The following UPB1 variants were observed in gnomAD, a reference collection of about 807,000 sequenced individuals.
UPB1 encodes beta-ureidopropionase.
A neutral mutation model predicts 49.1 loss-of-function variants in UPB1; 40 were observed. That is an observed-to-expected ratio of 0.81 (90% CI 0.63 to 1.06). The LOEUF is 1.06. UPB1 is among the 50% of genes least tolerant of loss of function. The pLI is 0.00. For synonymous variants in UPB1, 207 were observed against 198.2 expected (o/e 1.04, Z -0.38); for missense variants, 499 against 505.9 (o/e 0.99, Z 0.13).
At chr22:24,524,975 A>C (rs1389608551) in intron 9 of UPB1, among the ~76,000 whole-genome samples, 2 of 152,166 alleles carry the variant, frequency 1.3e-5, no homozygotes, top group Non-Finnish European at 2.9e-5. Flanking sequence ...GGTATTGGGC[A>C]TGAGAGAGTC....
At chr22:24,517,638 T>C (rs1178213283) in intron 6 of UPB1, among the ~76,000 whole-genome samples, 1 of 152,224 alleles carries the variant, frequency 6.6e-6, no homozygotes, top group Non-Finnish European at 1.5e-5. Flanking sequence ...CCCAGTGTAA[T>C]ATGCATATAA....
chr22:24,506,959 G>C (rs894843210), intron 3 of UPB1, among the ~76,000 whole-genome samples: 1 of 152,064 alleles, frequency 6.6e-6, no homozygotes, highest in East Asian at 1.9e-4. Context: ...GCCGCACCAG[G>C]TTCTAATTCA....
chr22:24,516,891 A>AT (rs560315892), intron 6 of UPB1: 1,600 of 152,116 alleles, frequency 0.011, 17 homozygotes, highest in Non-Finnish European at 0.014. Flanking sequence ...TACCTGGCTA[A>AT]TTTTTTGTAT....
Position 24,500,291 on chromosome 22 carries a change from T to C in UPB1, c.276+13T>C. The C allele has an allele frequency of 6.2e-7, 1 of 1,613,750 alleles. No individual in the cohort carries two copies. Among genetic ancestry groups the C allele is most frequent in the Non-Finnish European group, 8.5e-7 (1 of 1,180,010 alleles). ...TGTGGCAGAACAGGTGCAGACTCTT[T>C]TGACCATAATAAATACACAAACAGG... On this transcript the variant is annotated intron_variant, in intron 2 of 9. Coordinates refer to ENST00000326010, the MANE Select transcript of UPB1 (RefSeq NM_016327.3).
intron 7 of UPB1, among the ~76,000 whole-genome samples, chr22:24,520,792 A>AT (rs945290333): frequency 6.6e-6 from 1 of 152,166 alleles, no homozygotes; most frequent in Non-Finnish European, 1.5e-5. Context: ...CCTCATCCTT[A>AT]TTAATCAGAT....
chr22:24,515,124 G>C, intron 5 of UPB1, 77 bp from the exon 6 acceptor site: 1 of 1,577,316 alleles, frequency 6.3e-7, no homozygotes, highest in Non-Finnish European at 8.7e-7. Flanking sequence ...GACTATTGGT[G>C]ATATTTCAGT....
Position 24,528,054 on chromosome 22 carries a change from G to A in UPB1, c.*2260G>A. On this transcript the variant is annotated 3_prime_UTR_variant, in exon 10 of 10. Transcript: ENST00000326010. ...GAATCACTTGAACCCGGGAGGCGGA[G>A]GTTGCAGTGAGCCGAGATCACACCA... 6.6e-6 allele frequency: 1 copy of A among 151,976 alleles called. No individual in the cohort carries two copies. The highest frequency in any genetic ancestry group is 1.5e-5 in the Non-Finnish European group (1 of 68,028). 9.4% of individuals were successfully genotyped at this position (151,976 alleles called of 1,614,324 possible).
intron 3 of UPB1, among the ~76,000 whole-genome samples, chr22:24,504,723 CTTTTTTT>C (rs35606558): frequency 0.025 from 2,326 of 91,776 alleles, 72 homozygotes; most frequent in African/African-American, 0.094. Flanking sequence ...GTATTTCCTC[CTTTTTTT>C]TTTTTTTTTT....
rs542324398 is a variant in UPB1, at chr22:24,525,738, C to A, written c.1099C>A (p.Arg367=). 8.7e-6 allele frequency: 14 copies of A among 1,614,042 alleles called. No individual in the cohort carries two copies. The Admixed American group carries it at 1.7e-4, about 19-fold the overall frequency. The change falls in exon 10 of 10, where the codon CGG becomes AGG. Residue 367 remains arginine (R), a synonymous_variant. Transcript: ENST00000326010. ...KMTGRYEMYA[R]ELAEAVKSNY... ...GACGGGCAGGTATGAGATGTACGCA[C>A]GGGAGCTCGCCGAAGCTGTCAAGTC... is the stretch of plus-strand genomic sequence containing the variant.
intron 8 of UPB1, among the ~76,000 whole-genome samples, chr22:24,523,308 ATAGGAAGCCCC>A (rs1274080622): frequency 6.6e-6 from 1 of 152,216 alleles, no homozygotes; most frequent in African/African-American, 2.4e-5. Context: ...GAGGGCCCCC[ATAGGAAGCCCC>A]CAGAGTGTGA....
intron 2 of UPB1, 69 bp from the exon 3 acceptor site, chr22:24,502,057 T>C: frequency 6.6e-7 from 1 of 1,525,224 alleles, no homozygotes; most frequent in South Asian, 1.1e-5. Context: ...CCATATGCAT[T>C]AGGATGAGAT....
chr22:24,500,351 C>T, intron 2 of UPB1, 73 bp downstream of exon 2: 1 of 1,599,476 alleles, frequency 6.3e-7, no homozygotes, highest in Non-Finnish European at 8.5e-7. Context: ...CCTGCAGGCC[C>T]TGGCTGGCCG....
intron 7 of UPB1, among the ~76,000 whole-genome samples, chr22:24,521,492 TTAAA>T (rs1161437254): frequency 6.6e-6 from 1 of 151,946 alleles, no homozygotes; most frequent in Non-Finnish European, 1.5e-5. Context: ...AAATAAATAA[TTAAA>T]TAAATAAATA....
intron 4 of UPB1, among the ~76,000 whole-genome samples, chr22:24,511,523 A>G (rs1328000864): frequency 6.6e-6 from 1 of 150,484 alleles, no homozygotes; most frequent in Non-Finnish European, 1.5e-5. Flanking sequence ...CAAAAGAGTG[A>G]CTCCTTGTTC....
rs201206994 is a variant in UPB1 at position 24,511,612 on chromosome 22, A to ATTTT, written c.459+770_459+771insTTTT. ...TGCTCTGTGAATTATATATATATATATATATATTTTTTTTTTTTTGAGATG... is the reference window on the plus strand; with the variant it reads ...TGCTCTGTGAATTATATATATATATATTTTTATATATTTTTTTTTTTTTGAGATG... On this transcript the variant is annotated intron_variant, in intron 4 of 9. Transcript: ENST00000326010. Among the ~76,000 whole-genome samples, 227 of 90,618 alleles carry ATTTT rather than the reference A, an allele frequency of 2.5e-3. 1 individual carries two copies. The highest frequency in any genetic ancestry group is 0.012 in the Middle Eastern group (2 of 164). The allele number at this position is 90,618 out of a possible 152,430, so 59.4% of individuals were successfully genotyped here.
intron 7 of UPB1, among the ~76,000 whole-genome samples, chr22:24,521,764 CGCT>C (rs2044397391): frequency 6.6e-6 from 1 of 152,164 alleles, no homozygotes; most frequent in Non-Finnish European, 1.5e-5. Context: ...GTTTTTACCC[CGCT>C]TGTCAAATTC....
chr22:24,497,168 A>C (rs1172510716), intron 1 of UPB1, among the ~76,000 whole-genome samples: 1 of 152,210 alleles, frequency 6.6e-6, no homozygotes, highest in Non-Finnish European at 1.5e-5. Context: ...TTAAGTGAAA[A>C]AGGCAAGTTG....
chr22:24,525,339 G>A (rs980363426), intron 9 of UPB1, among the ~76,000 whole-genome samples: 1 of 152,112 alleles, frequency 6.6e-6, no homozygotes, highest in Non-Finnish European at 1.5e-5. Context: ...GGAGCCCCTG[G>A]TTCAAATCCC....
rs1028191336 is a variant in UPB1 at position 24,515,301 on chromosome 22, A to G, written c.722A>G (p.Asn241Ser). 2 of 1,614,174 alleles carry G rather than the reference A, an allele frequency of 1.2e-6. No individual in the cohort carries two copies. The highest frequency in any genetic ancestry group is 1.3e-5 in the African/African-American group (1 of 75,048). Residue 241 changes from asparagine to serine, a missense_variant, in exon 6 of 10, where the codon AAC becomes AGC. Physicochemically the swap from Asn to Ser is conservative, Grantham distance 46 (BLOSUM62 1). Coordinates refer to ENST00000326010, the MANE Select transcript of UPB1 (RefSeq NM_016327.3). ...NICYGRHHPL[N>S]WLMYSINGAE... Reference sequence around the variant, plus strand: ...TGCTACGGGCGGCACCACCCCCTCAACTGGCTTATGTACAGCATCAACGGG... The same window carrying G: ...TGCTACGGGCGGCACCACCCCCTCAGCTGGCTTATGTACAGCATCAACGGG...
Sources: gnomAD v4.1 joint callset for allele counts (sites outside exome capture counted in the v4.1 genomes callset) on GRCh38, gnomAD v4.1.1 for gene constraint, MANE v1.5 for transcripts, NCBI Gene and HGNC (gene_info 2026-07-23, HGNC 2026-07-21) for gene names.